Variants in TRIM44 observed in about 807,000 individuals in gnomAD.
TRIM44 encodes tripartite motif-containing protein 44.
TRIM44 carries 13 observed loss-of-function variants against 37.4 expected under a neutral mutation model. The observed-to-expected ratio is 0.35, with a 90% CI of 0.23 to 0.55. The LOEUF is 0.55. Ranked by LOEUF, TRIM44 falls within the 20% of genes least tolerant of loss-of-function variation. The pLI is 0.89. For missense variants in TRIM44, 426 were observed against 437.2 expected, an observed-to-expected ratio of 0.97 and a Z score of 0.23; for synonymous variants, 175 against 157.2, an observed-to-expected ratio of 1.11 and a Z score of -0.85.
At chr11:35,730,295 C>T (rs1004524733) in intron 3 of TRIM44, among the ~76,000 whole-genome samples, 3 of 152,092 alleles carry the variant, frequency 2.0e-5, no homozygotes, top group African/African-American at 7.2e-5. Context: ...CTGATCCAAT[C>T]TAAACAGCAG....
chr11:35,695,889 CT>C (rs34010461), intron 2 of TRIM44, among the ~76,000 whole-genome samples: 28,701 of 139,830 alleles, frequency 0.21, 2,818 homozygotes, highest in Admixed American at 0.32. Context: ...GAAGATTAAA[CT>C]TTTTTTTTTT....
intron 2 of TRIM44, among the ~76,000 whole-genome samples, chr11:35,707,866 TA>T (rs1851910844): frequency 7.3e-6 from 1 of 136,440 alleles, no homozygotes; most frequent in Middle Eastern, 3.5e-3. Context: ...ACTTCACGTC[TA>T]AAACACCAAA....
At chr11:35,735,304 CTG>C in intron 3 of TRIM44, 120 bp from the exon 4 acceptor site, 1 of 929,512 alleles carries the variant, frequency 1.1e-6, no homozygotes, top group Non-Finnish European at 1.7e-6. Context: ...TGGTTTGTCT[CTG>C]TTACAATAAA....
Position 35,773,714 on chromosome 11 carries a change from G to A in TRIM44, c.1008-32644G>A, listed in dbSNP as rs187437342. Reference sequence around the variant, plus strand: ...TCAGTTCCTACCTATGAGTGAGAACGTGCGGTGTTTGGTTTTCTGTCCTTG... The same window carrying A: ...TCAGTTCCTACCTATGAGTGAGAACATGCGGTGTTTGGTTTTCTGTCCTTG... On this transcript the variant is annotated intron_variant, in intron 4 of 4. Transcript: ENST00000299413. Among the ~76,000 whole-genome samples the A allele has an allele frequency of 3.9e-3, 593 of 152,146 alleles. 6 individuals are homozygous for A. Among genetic ancestry groups the A allele is most frequent in the African/African-American group, 0.014 (567 of 41,498 alleles).
chr11:35,772,006 T>C (rs1220519698), intron 4 of TRIM44, among the ~76,000 whole-genome samples: 2 of 152,134 alleles, frequency 1.3e-5, no homozygotes, highest in African/African-American at 2.4e-5. Context: ...CCAGTGTCCC[T>C]GTGCTGTGTG....
chr11:35,816,056 T>TC lies in TRIM44; in HGVS notation c.*9672dup, dbSNP rs1456653458. The TC allele has an allele frequency of 2.6e-5, 4 of 152,146 alleles. No homozygotes were observed. Among genetic ancestry groups the TC allele is most frequent in the Non-Finnish European group, 5.9e-5 (4 of 68,032 alleles). 9.4% of individuals were successfully genotyped at this position (152,146 alleles called of 1,614,324 possible). On this transcript the variant is annotated 3_prime_UTR_variant, in exon 5 of 5. Coordinates refer to ENST00000299413, the MANE Select transcript of TRIM44 (RefSeq NM_017583.6). ...GGACCTGGCCTAGTTCACAAGGCAG[T>TC]CAGAAGTGATCCAAAGTTCAGGCTC...
chr11:35,672,713 C>T (rs1408630097), intron 1 of TRIM44, among the ~76,000 whole-genome samples: 1 of 152,072 alleles, frequency 6.6e-6, no homozygotes, highest in Non-Finnish European at 1.5e-5. Context: ...CCATAGTGGT[C>T]AGTGAATCTG....
In TRIM44 at chr11:35,663,570, G is replaced by C; in HGVS notation, c.459G>C (p.Ala153=). ...ACCAAGAAGAAGGGGAATCCGAGGC[G>C]GAGGGAGAAACTGAGGCAGAAAGTG... ...EDNQEEGESE[A]EGETEAESEF... Residue 153 remains alanine, a synonymous_variant, in exon 1 of 5, where the codon GCG becomes GCC. Transcript: ENST00000299413. The C allele has an allele frequency of 6.2e-7, 1 of 1,613,960 alleles. No homozygotes were observed. Among genetic ancestry groups the C allele is most frequent in the Non-Finnish European group, 8.5e-7 (1 of 1,179,968 alleles).
Position 35,714,771 on chromosome 11 carries a change from A to G in TRIM44, c.748-11153A>G, listed in dbSNP as rs11033256. 0.014 allele frequency among the ~76,000 whole-genome samples: 2,111 copies of G among 152,198 alleles called. 117 individuals carry two copies. The East Asian group carries it at 0.14, about 10-fold the overall frequency. On this transcript the variant is annotated intron_variant, in intron 2 of 4. Coordinates refer to ENST00000299413, the MANE Select transcript of TRIM44 (RefSeq NM_017583.6). The stretch of plus-strand genomic sequence containing the variant: ...AGTTGCCCCTCAAACTTTCAGTGTC[A>G]CTTTCCACCTCCCACTTCTACACGA...
At chr11:35,755,283 G>T (rs1011864195) in intron 4 of TRIM44, among the ~76,000 whole-genome samples, 12 of 152,290 alleles carry the variant, frequency 7.9e-5, no homozygotes, top group South Asian at 2.1e-4. Context: ...TCATGTGTCT[G>T]TTGGCTGCAT....
At chr11:35,797,420 A>G (rs187739678) in intron 4 of TRIM44, among the ~76,000 whole-genome samples, 5 of 152,350 alleles carry the variant, frequency 3.3e-5, no homozygotes, top group Non-Finnish European at 7.3e-5. Flanking sequence ...CTCACTCTTT[A>G]AGTATAGGTG....
At chr11:35,736,651 T>C (rs1439928027) in intron 4 of TRIM44, among the ~76,000 whole-genome samples, 1 of 152,196 alleles carries the variant, frequency 6.6e-6, no homozygotes, top group Non-Finnish European at 1.5e-5. Flanking sequence ...AACTATAGTT[T>C]TTAACATCTG....
chr11:35,719,816 A>G (rs1852079710), intron 2 of TRIM44, among the ~76,000 whole-genome samples: 1 of 151,984 alleles, frequency 6.6e-6, no homozygotes, highest in Non-Finnish European at 1.5e-5. Context: ...TCTTTTCTCT[A>G]TTGTATTACC....
rs1730459238 is a variant in TRIM44 at position 35,808,318 on chromosome 11, T to C, written c.*1933T>C. ...AAAGACTGGAGAATTTGGCATACCA[T>C]TAATTACAACCACCAATCATATCCA... is the stretch of plus-strand genomic sequence containing the variant. On this transcript the variant is annotated 3_prime_UTR_variant, in exon 5 of 5. Coordinates refer to ENST00000299413, the MANE Select transcript of TRIM44 (RefSeq NM_017583.6). 6.6e-6 allele frequency: 1 copy of C among 151,672 alleles called. No individual in the cohort carries two copies. The highest frequency in any genetic ancestry group is 2.1e-4 in the South Asian group (1 of 4,790). The allele number at this position is 151,672 out of a possible 1,614,324, so 9.4% of individuals were successfully genotyped here.
chr11:35,694,223 A>G (rs1374155289), intron 2 of TRIM44, among the ~76,000 whole-genome samples: 2 of 152,240 alleles, frequency 1.3e-5, no homozygotes, highest in Non-Finnish European at 2.9e-5. Flanking sequence ...AATCCGCTAT[A>G]GAGCCGATTA....
At chr11:35,729,385 A>G (rs887168047) in intron 3 of TRIM44, among the ~76,000 whole-genome samples, 3 of 152,086 alleles carry the variant, frequency 2.0e-5, no homozygotes, top group African/African-American at 7.2e-5. Context: ...CCCAGTAATG[A>G]GTGGAACCCA....
chr11:35,703,307 GT>G (rs1851821875), intron 2 of TRIM44, among the ~76,000 whole-genome samples: 1 of 152,244 alleles, frequency 6.6e-6, no homozygotes. Context: ...GCCTGCCTCT[GT>G]AGGCTCCACC....
chr11:35,716,681 A>G lies in TRIM44; in HGVS notation c.748-9243A>G, dbSNP rs562184358. On this transcript the variant is annotated intron_variant, in intron 2 of 4. Transcript: ENST00000299413. ...TATCTGGTGGAGAAAATAAAACTTG[A>G]CTCCAGAGTTTGGAGCCTGATAACT... is the stretch of plus-strand genomic sequence containing the variant. 3.9e-5 allele frequency among the ~76,000 whole-genome samples: 6 copies of G among 152,156 alleles called. 1 individual carries two copies. In the South Asian group the frequency reaches 1.2e-3, roughly 32 times the overall value.
At chr11:35,794,548 C>T (rs1853256622) in intron 4 of TRIM44, among the ~76,000 whole-genome samples, 1 of 152,218 alleles carries the variant, frequency 6.6e-6, no homozygotes, top group Admixed American at 6.5e-5. Flanking sequence ...TCCAGTAAGG[C>T]TTACTTGTTT....
Sources: allele counts gnomAD v4.1 joint callset (sites outside exome capture counted in the v4.1 genomes callset), GRCh38; gene constraint gnomAD v4.1.1; transcripts MANE v1.5; gene names NCBI Gene and HGNC (gene_info 2026-07-23, HGNC 2026-07-21).